The following SNTG1 variants were observed in gnomAD, a reference collection of about 807,000 sequenced individuals.
SNTG1 encodes syntrophin gamma 1, also known as gamma-1-syntrophin.
In SNTG1, 39 loss-of-function variants were observed where a neutral mutation model predicts 74.7. That is an observed-to-expected ratio of 0.52 (90% CI 0.40 to 0.68). The LOEUF is 0.68. Among genes scored for constraint, SNTG1 ranks in the 30% least tolerant of loss-of-function variants. The pLI, the probability that SNTG1 is intolerant of heterozygous loss-of-function variation, is 0.00. For missense variants in SNTG1, 685 were observed against 609.5 expected, an observed-to-expected ratio of 1.12 and a Z score of -1.30; for synonymous variants, 254 against 217.1, an observed-to-expected ratio of 1.17 and a Z score of -1.49.
chr8:49,953,484 T>A (rs1809906135), intron 1 of SNTG1, among the ~76,000 whole-genome samples: 1 of 152,184 alleles, frequency 6.6e-6, no homozygotes, highest in African/African-American at 2.4e-5. Flanking sequence ...TCCCAGGTGC[T>A]AAAGAGGGTA....
chr8:49,915,033 T>C (rs955544662), intron 1 of SNTG1: 1 of 152,192 alleles, frequency 6.6e-6, no homozygotes, highest in African/African-American at 2.4e-5. Flanking sequence ...GTAAGAAACA[T>C]GTTACACATC....
intron 1 of SNTG1, among the ~76,000 whole-genome samples, chr8:50,096,023 A>G (rs2131194556): frequency 6.6e-6 from 1 of 152,296 alleles, no homozygotes; most frequent in South Asian, 2.1e-4. Context: ...TTTTAAGGTC[A>G]ATAGAGCCCC....
rs572655985 is a variant in SNTG1 at position 50,068,749 on chromosome 8, A to G, written c.-102-103812A>G. ...GTATCTGTAGTGCCTGAAACAATCC[A>G]TGATATACTCTGTGGCTGCTGTTGA... On this transcript the variant is annotated intron_variant, in intron 1 of 18. Transcript: ENST00000642720. 2.8e-4 allele frequency among the ~76,000 whole-genome samples: 42 copies of G among 151,988 alleles called. 1 individual carries two copies. The highest frequency in any genetic ancestry group is 9.9e-4 in the African/African-American group (41 of 41,462).
intron 2 of SNTG1, among the ~76,000 whole-genome samples, chr8:50,233,206 T>C (rs1461662622): frequency 6.6e-5 from 10 of 151,620 alleles, no homozygotes. Context: ...AGCAGAGGGA[T>C]AGATACATAG....
rs147578913 is a variant in SNTG1, at chr8:50,146,539, AAAACAAAC to A, written c.-102-26006_-102-25999del. Among the ~76,000 whole-genome samples, 4 of 151,996 alleles carry A rather than the reference AAAACAAAC, an allele frequency of 2.6e-5. No homozygotes were observed. In the East Asian group the frequency reaches 5.8e-4, roughly 22 times the overall value. ...GTCTAAAAACAAAAACAAAAACACA[AAAACAAAC>A]AAACAAACAAACAAAACAAAGTGGG... is the stretch of plus-strand genomic sequence containing the variant. On this transcript the variant is annotated intron_variant, in intron 1 of 18. Coordinates refer to ENST00000642720, the MANE Select transcript of SNTG1 (RefSeq NM_018967.5).
chr8:50,261,729 T>G (rs1489808779), intron 2 of SNTG1, among the ~76,000 whole-genome samples: 1 of 152,080 alleles, frequency 6.6e-6, no homozygotes, highest in East Asian at 1.9e-4. Context: ...GACGTAAATG[T>G]AAATTGCAAA....
chr8:50,661,582 G>A (rs575177901), intron 15 of SNTG1, among the ~76,000 whole-genome samples: 18 of 152,118 alleles, frequency 1.2e-4, no homozygotes, highest in East Asian at 3.9e-4. Flanking sequence ...TGTGCAGAAC[G>A]TACAGTTTTG....
At chr8:50,472,095 A>G (rs1268218164) in intron 8 of SNTG1, among the ~76,000 whole-genome samples, 3 of 152,158 alleles carry the variant, frequency 2.0e-5, no homozygotes, top group Non-Finnish European at 4.4e-5. Context: ...CTGGGAGAGA[A>G]TTTTTATTAA....
intron 1 of SNTG1, among the ~76,000 whole-genome samples, chr8:49,920,291 T>C (rs557664053): frequency 1.5e-4 from 23 of 152,162 alleles, no homozygotes; most frequent in Non-Finnish European, 2.9e-4. Flanking sequence ...ACATGATTGT[T>C]AGAGTCCTGT....
chr8:50,510,286 G>C (rs1012479652), intron 9 of SNTG1, among the ~76,000 whole-genome samples: 3 of 152,138 alleles, frequency 2.0e-5, no homozygotes, highest in Non-Finnish European at 2.9e-5. Context: ...TGTTGGATAA[G>C]CTTTTTGATG....
chr8:50,433,419 T>A (rs577997782), intron 4 of SNTG1, among the ~76,000 whole-genome samples: 1 of 151,956 alleles, frequency 6.6e-6, no homozygotes, highest in African/African-American at 2.4e-5. Context: ...TTATTCCCAA[T>A]CTTGCAGGGA....
At chr8:50,588,092 C>A (rs1178829504) in intron 12 of SNTG1, among the ~76,000 whole-genome samples, 1 of 151,330 alleles carries the variant, frequency 6.6e-6, no homozygotes, top group Admixed American at 6.6e-5. Flanking sequence ...TGCACTACAG[C>A]CTGGGTGACA....
At chr8:50,067,383 C>T (rs1357999651) in intron 1 of SNTG1, among the ~76,000 whole-genome samples, 1 of 152,088 alleles carries the variant, frequency 6.6e-6, no homozygotes, top group Non-Finnish European at 1.5e-5. Flanking sequence ...TACCTTTAAG[C>T]CATTAAGAAG....
chr8:50,378,883 C>A (rs1042473382), intron 2 of SNTG1, among the ~76,000 whole-genome samples: 4 of 152,006 alleles, frequency 2.6e-5, no homozygotes, highest in African/African-American at 9.7e-5. Context: ...TCCATGGGAG[C>A]CATAGGTAGG....
chr8:50,173,054 GAGA>G (rs2082867249), intron 2 of SNTG1, among the ~76,000 whole-genome samples: 2 of 152,204 alleles, frequency 1.3e-5, no homozygotes, highest in African/African-American at 4.8e-5. Context: ...GCGATTTTCT[GAGA>G]AGGGCAGACA....
At chr8:50,162,236 C>G (rs1235837484) in intron 1 of SNTG1, among the ~76,000 whole-genome samples, 1 of 152,086 alleles carries the variant, frequency 6.6e-6, no homozygotes, top group African/African-American at 2.4e-5. Flanking sequence ...GGAAGTGAGG[C>G]TGCCCAGAGT....
intron 9 of SNTG1, among the ~76,000 whole-genome samples, chr8:50,509,525 A>C (rs1293882131): frequency 6.6e-6 from 1 of 152,002 alleles, no homozygotes; most frequent in African/African-American, 2.4e-5. Flanking sequence ...CATTTTCACG[A>C]TATTGATTCT....
intron 2 of SNTG1, among the ~76,000 whole-genome samples, chr8:50,329,482 GCAAAACAC>G (rs1434087867): frequency 6.6e-6 from 1 of 151,976 alleles, no homozygotes; most frequent in Non-Finnish European, 1.5e-5. Context: ...GTACCTGCAG[GCAAAACAC>G]CACGTAGAAG....
intron 9 of SNTG1, among the ~76,000 whole-genome samples, chr8:50,515,141 C>T (rs899378707): frequency 6.6e-6 from 1 of 152,104 alleles, no homozygotes; most frequent in Non-Finnish European, 1.5e-5. Context: ...TGACAGCATA[C>T]ATAAGCATAT....
Sources: gnomAD v4.1 joint callset for allele counts (sites outside exome capture counted in the v4.1 genomes callset) on GRCh38, gnomAD v4.1.1 for gene constraint, MANE v1.5 for transcripts, NCBI Gene and HGNC (gene_info 2026-07-23, HGNC 2026-07-21) for gene names.